LMBR1: variants seen among roughly 807,000 people sequenced by gnomAD.
The protein encoded by LMBR1 is limb development membrane protein 1, also known as limb region 1 protein homolog.
LMBR1 carries 52 observed loss-of-function variants against 73.9 expected under a neutral mutation model. The observed-to-expected ratio is 0.70, with a 90% confidence interval of 0.56 to 0.89. The LOEUF is 0.89. Among genes scored for constraint, LMBR1 ranks in the 40% least tolerant of loss-of-function variants. The pLI is 0.00. For synonymous variants in LMBR1, 215 were observed against 209.4 expected (o/e 1.03, Z -0.23); for missense variants, 539 against 579.8 (o/e 0.93, Z 0.72).
intron 4 of LMBR1, among the ~76,000 whole-genome samples, chr7:156,672,423 G>A (rs771747064): frequency 9.2e-5 from 14 of 152,190 alleles, no homozygotes; most frequent in Non-Finnish European, 1.8e-4. Flanking sequence ...GGAGGCAATA[G>A]GTGACATCAG....
intron 5 of LMBR1, among the ~76,000 whole-genome samples, chr7:156,773,626 C>T (rs570438250): frequency 6.6e-6 from 1 of 152,218 alleles, no homozygotes; most frequent in Admixed American, 6.5e-5. Flanking sequence ...ATAAATGGTA[C>T]TGGGATAACT....
chr7:156,863,687 C>T (rs1343897686), intron 1 of LMBR1, among the ~76,000 whole-genome samples: 2 of 152,078 alleles, frequency 1.3e-5, no homozygotes, highest in East Asian at 3.8e-4. Flanking sequence ...CAGAACCTGG[C>T]ATTTTCTTTT....
chr7:156,840,620 T>C (rs987232652), intron 1 of LMBR1, among the ~76,000 whole-genome samples: 6 of 151,912 alleles, frequency 3.9e-5, no homozygotes, highest in Middle Eastern at 3.4e-3. Context: ...TAGAGGGTGA[T>C]AGGATCTGAC....
chr7:156,811,472 T>C (rs1833085564), intron 4 of LMBR1, among the ~76,000 whole-genome samples: 1 of 151,954 alleles, frequency 6.6e-6, no homozygotes, highest in Admixed American at 6.6e-5. Context: ...TAGCTGGGCA[T>C]GGTGGCACAC....
At chr7:156,813,906 G>C (rs1047422445) in intron 4 of LMBR1, among the ~76,000 whole-genome samples, 12 of 152,052 alleles carry the variant, frequency 7.9e-5, no homozygotes, top group African/African-American at 2.9e-4. Context: ...ACAAAGAATT[G>C]TTTTAGACTG....
At chr7:156,747,557 A>G (rs745894757) in intron 9 of LMBR1, among the ~76,000 whole-genome samples, 1 of 152,204 alleles carries the variant, frequency 6.6e-6, no homozygotes, top group African/African-American at 2.4e-5. Context: ...AGCCCTTCAA[A>G]TAATTGATGA....
intron 15 of LMBR1, among the ~76,000 whole-genome samples, chr7:156,721,982 T>C (rs1031875787): frequency 3.3e-5 from 5 of 150,398 alleles, no homozygotes; most frequent in East Asian, 2.0e-4. Flanking sequence ...AACATGTCCA[T>C]TGAACACTTT....
intron 5 of LMBR1, among the ~76,000 whole-genome samples, chr7:156,765,541 T>C (rs1823924795): frequency 6.6e-6 from 1 of 152,172 alleles, no homozygotes; most frequent in African/African-American, 2.4e-5. Context: ...AACAGACTAA[T>C]ACAGATACCA....
intron 1 of LMBR1, among the ~76,000 whole-genome samples, chr7:156,887,094 T>C (rs1802031126): frequency 6.6e-6 from 1 of 152,198 alleles, no homozygotes; most frequent in African/African-American, 2.4e-5. Flanking sequence ...AAGTCAAATA[T>C]GATCACTAAA....
chr7:156,852,778 G>A (rs1223033022), intron 1 of LMBR1, among the ~76,000 whole-genome samples: 12 of 152,104 alleles, frequency 7.9e-5, no homozygotes, highest in Admixed American at 7.2e-4. Context: ...AAAATCCCAT[G>A]ATGCACAGAA....
intron 1 of LMBR1, among the ~76,000 whole-genome samples, chr7:156,859,499 A>G (rs1445202152): frequency 1.3e-5 from 2 of 152,218 alleles, no homozygotes; most frequent in Non-Finnish European, 2.9e-5. Flanking sequence ...GCAAGGATGC[A>G]GGATAAAAAG....
At chr7:156,686,340 A>G (rs1177575126) in intron 16 of LMBR1, among the ~76,000 whole-genome samples, 1 of 152,128 alleles carries the variant, frequency 6.6e-6, no homozygotes, top group African/African-American at 2.4e-5. Flanking sequence ...GATGGATACT[A>G]TTATTATCAA....
chr7:156,838,212 T>G (rs1241496048), intron 1 of LMBR1, among the ~76,000 whole-genome samples: 1 of 152,222 alleles, frequency 6.6e-6, no homozygotes, highest in African/African-American at 2.4e-5. Flanking sequence ...ACCTCAAATA[T>G]TTATAATTTT....
chr7:156,768,487 C>T (rs1824562824), intron 5 of LMBR1, among the ~76,000 whole-genome samples: 1 of 152,054 alleles, frequency 6.6e-6, no homozygotes, highest in Admixed American at 6.5e-5. Context: ...CTAAGTATGC[C>T]TCCATTGTGA....
chr7:156,864,145 C>G (rs1386649578), intron 1 of LMBR1, among the ~76,000 whole-genome samples: 1 of 151,746 alleles, frequency 6.6e-6, no homozygotes, highest in Admixed American at 6.6e-5. Flanking sequence ...AAGCAAGACT[C>G]TGTCTCACAA....
At chr7:156,677,403 C>A (rs1804269689), downstream of LMBR1, among the ~76,000 whole-genome samples, 1 of 152,172 alleles carries the variant, frequency 6.6e-6, no homozygotes. Flanking sequence ...GAGGGTACAC[C>A]ATGTGTGACC....
intron 1 of LMBR1, among the ~76,000 whole-genome samples, chr7:156,839,047 C>CTTTTTTTTTTTTTTTTTTTTTTTTTG: frequency 1.0e-5 from 1 of 98,520 alleles, no homozygotes; most frequent in Non-Finnish European, 2.0e-5. Flanking sequence ...TAGTCCTTTG[C>CTTTTTTTTTTTTTTTTTTTTTTTTTG]TTTTTTTTTT....
intron 1 of LMBR1, among the ~76,000 whole-genome samples, chr7:156,860,365 T>TATCACA (rs760099824): frequency 2.6e-5 from 4 of 152,262 alleles, no homozygotes; most frequent in Non-Finnish European, 5.9e-5. Context: ...ACTTATTCAC[T>TATCACA]ATCACAAGAA....
downstream of LMBR1, chr7:156,676,162 G>T (rs1038691252): frequency 2.6e-6 from 3 of 1,136,096 alleles, no homozygotes; most frequent in Non-Finnish European, 3.6e-6. Context: ...TGAAATTCTG[G>T]AAGTTCCTGT....
Sources: gnomAD v4.1 joint callset for allele counts (sites outside exome capture counted in the v4.1 genomes callset) on GRCh38, gnomAD v4.1.1 for gene constraint, MANE v1.5 for transcripts, NCBI Gene and HGNC (gene_info 2026-07-23, HGNC 2026-07-21) for gene names.